The following RNF217 variants were observed in gnomAD, a reference collection of about 807,000 sequenced individuals.
RNF217 encodes ring finger protein 217.
Under a neutral mutation model 57.8 loss-of-function variants are expected in RNF217, and 31 were observed. The ratio of observed to expected loss-of-function variants is 0.54; its 90% confidence interval spans 0.40 to 0.72. RNF217 has a LOEUF of 0.72. Ranked by LOEUF, RNF217 falls within the 30% of genes least tolerant of loss-of-function variation. The pLI is 0.00. For synonymous variants in RNF217, 313 were observed against 294.0 expected (o/e 1.06, Z -0.66); for missense variants, 696 against 708.3 (o/e 0.98, Z 0.20).
chr6:125,056,279 A>G (rs111421344), intron 2 of RNF217, among the ~76,000 whole-genome samples: 11 of 152,284 alleles, frequency 7.2e-5, no homozygotes, highest in African/African-American at 2.4e-4. Flanking sequence ...TATTTAATCT[A>G]TCTGAGTCTC....
chr6:125,031,437 G>A (rs1786354895), intron 1 of RNF217, among the ~76,000 whole-genome samples: 1 of 152,102 alleles, frequency 6.6e-6, no homozygotes, highest in Admixed American at 6.5e-5. Flanking sequence ...AAAACTGAAT[G>A]CTTTTAACAA....
intron 1 of RNF217, among the ~76,000 whole-genome samples, chr6:124,975,483 T>G (rs569437133): frequency 6.6e-6 from 1 of 152,132 alleles, no homozygotes; most frequent in Non-Finnish European, 1.5e-5. Flanking sequence ...TGGGCAGGAG[T>G]GCAGTGGCTC....
chr6:125,003,694 T>C, intron 1 of RNF217, among the ~76,000 whole-genome samples: 1 of 152,258 alleles, frequency 6.6e-6, no homozygotes, highest in Middle Eastern at 3.4e-3. Flanking sequence ...TTATACCTTA[T>C]AAATATGTAT....
chr6:125,007,447 A>G (rs559310532), intron 1 of RNF217, among the ~76,000 whole-genome samples: 9 of 151,964 alleles, frequency 5.9e-5, no homozygotes, highest in Admixed American at 1.3e-4. Flanking sequence ...GGTTTTCTCC[A>G]TGTTGGTCAG....
rs775690239 is a variant in RNF217, at chr6:125,058,013, C to T, written c.1188C>T (p.Cys396=). ...CHSPWHEGVN[C]KEYKKGDKLL... Reference sequence around the variant, plus strand: ...CTCCTTGGCATGAAGGTGTTAACTGCAAGGAGTACAAAAAAGGAGACAAAT... The same window carrying T: ...CTCCTTGGCATGAAGGTGTTAACTGTAAGGAGTACAAAAAAGGAGACAAAT... Residue 396 remains cysteine (C), a synonymous_variant, in exon 3 of 6, where the codon TGC becomes TGT. Coordinates refer to ENST00000521654, the MANE Select transcript of RNF217 (RefSeq NM_001286398.3). 5 of 1,613,256 alleles carry T rather than the reference C, an allele frequency of 3.1e-6. No individual in the cohort carries two copies. The highest frequency in any genetic ancestry group is 2.5e-6 in the Non-Finnish European group (3 of 1,179,630).
Position 125,083,006 on chromosome 6 carries a change from G to A in RNF217, c.*69G>A. 9.5e-7 allele frequency: 1 copy of A among 1,055,954 alleles called. No individual in the cohort carries two copies. Among genetic ancestry groups the A allele is most frequent in the Non-Finnish European group, 1.4e-6 (1 of 735,190 alleles). 65.4% of individuals were successfully genotyped at this position (1,055,954 alleles called of 1,614,324 possible). On this transcript the variant is annotated 3_prime_UTR_variant, in exon 6 of 6. Transcript: ENST00000521654. Reference sequence around the variant, plus strand: ...GATACCAAAGGGTACACCCATCTGTGAGTCACATCTTGAAAAACACTGAGA... The same window carrying A: ...GATACCAAAGGGTACACCCATCTGTAAGTCACATCTTGAAAAACACTGAGA...
intron 1 of RNF217, among the ~76,000 whole-genome samples, chr6:125,034,787 C>G (rs893860457): frequency 6.6e-6 from 1 of 152,026 alleles, no homozygotes; most frequent in African/African-American, 2.4e-5. Flanking sequence ...TTACCTTGGG[C>G]AGTATGGCCA....
At chr6:125,081,075 C>T (rs1444539217) in intron 4 of RNF217, among the ~76,000 whole-genome samples, 1 of 152,032 alleles carries the variant, frequency 6.6e-6, no homozygotes, top group Non-Finnish European at 1.5e-5. Flanking sequence ...AAATGTGCCA[C>T]TTCTTTCTTA....
chr6:125,024,047 A>C (rs965608950), intron 1 of RNF217, among the ~76,000 whole-genome samples: 1 of 152,220 alleles, frequency 6.6e-6, no homozygotes, highest in African/African-American at 2.4e-5. Context: ...TGTATACTTG[A>C]AAATTGCCAA....
Position 125,086,020 on chromosome 6 carries a change from T to C in RNF217, c.*3083T>C, listed in dbSNP as rs533038976. ...GAATGGACTACAAGATTATTTTCAC[T>C]TCTCTATTACAAAGAAAGCAAGAGT... On this transcript the variant is annotated 3_prime_UTR_variant, in exon 6 of 6. Coordinates refer to ENST00000521654, the MANE Select transcript of RNF217 (RefSeq NM_001286398.3). The C allele has an allele frequency of 1.3e-5, 2 of 152,148 alleles. No homozygotes were observed. Among genetic ancestry groups the C allele is most frequent in the Admixed American group, 6.6e-5 (1 of 15,254 alleles). 9.4% of individuals were successfully genotyped at this position (152,148 alleles called of 1,614,324 possible).
chr6:124,992,856 G>C (rs1417752701), intron 1 of RNF217, among the ~76,000 whole-genome samples: 1 of 151,870 alleles, frequency 6.6e-6, no homozygotes, highest in Non-Finnish European at 1.5e-5. Flanking sequence ...TTTATCCTTA[G>C]TTGCTTATGC....
chr6:125,031,026 A>G (rs901618829), intron 1 of RNF217, among the ~76,000 whole-genome samples: 2 of 152,230 alleles, frequency 1.3e-5, no homozygotes, highest in Admixed American at 6.5e-5. Flanking sequence ...TTCTTTGCAC[A>G]TGCACGCGGA....
At chr6:124,970,265 A>T (rs1783715811) in intron 1 of RNF217, among the ~76,000 whole-genome samples, 1 of 152,230 alleles carries the variant, frequency 6.6e-6, no homozygotes, top group South Asian at 2.1e-4. Context: ...GTGGAAGTAA[A>T]AAGATCAGTT....
chr6:125,050,937 C>A (rs760467080), intron 2 of RNF217, among the ~76,000 whole-genome samples: 4 of 151,678 alleles, frequency 2.6e-5, no homozygotes, highest in African/African-American at 7.3e-5. Flanking sequence ...TGTTGATAGA[C>A]GCCAGTGTAA....
chr6:125,033,456 G>C (rs1786453391), intron 1 of RNF217, among the ~76,000 whole-genome samples: 1 of 141,912 alleles, frequency 7.0e-6, no homozygotes, highest in African/African-American at 2.6e-5. Context: ...TTGGTTTTTT[G>C]TCCTTGTGAT....
intron 1 of RNF217, among the ~76,000 whole-genome samples, chr6:125,023,573 A>G (rs937829788): frequency 2.0e-5 from 3 of 152,174 alleles, no homozygotes; most frequent in African/African-American, 7.2e-5. Flanking sequence ...TCACTATTGC[A>G]TCTATATCTC....
At chr6:125,059,496 A>G (rs1056811991) in intron 3 of RNF217, among the ~76,000 whole-genome samples, 1 of 152,148 alleles carries the variant, frequency 6.6e-6, no homozygotes, top group Non-Finnish European at 1.5e-5. Flanking sequence ...AAGTTATTCT[A>G]CTTAACAGTT....
At chr6:125,037,728 G>C (rs183439623) in intron 1 of RNF217, among the ~76,000 whole-genome samples, 2 of 152,226 alleles carry the variant, frequency 1.3e-5, no homozygotes, top group Admixed American at 6.5e-5. Flanking sequence ...GCTGTGCTTT[G>C]CTTGTAGTAG....
intron 1 of RNF217, among the ~76,000 whole-genome samples, chr6:124,964,118 T>G (rs1391306031): frequency 6.6e-6 from 1 of 152,222 alleles, no homozygotes. Flanking sequence ...AAAACTTGGT[T>G]TTTTTTCTTG....
Sources: allele counts gnomAD v4.1 joint callset (sites outside exome capture counted in the v4.1 genomes callset), GRCh38; gene constraint gnomAD v4.1.1; transcripts MANE v1.5; gene names NCBI Gene and HGNC (gene_info 2026-07-23, HGNC 2026-07-21).